Variants in KCNAB3 observed in about 807,000 individuals in gnomAD.
KCNAB3 encodes the protein voltage-gated potassium channel subunit beta-3.
Under a neutral mutation model 67.7 loss-of-function variants are expected in KCNAB3, and 62 were observed. The observed-to-expected ratio is 0.92, with a 90% CI of 0.75 to 1.13. The LOEUF (loss-of-function observed/expected upper bound fraction) is 1.13, where lower values mean the gene tolerates loss of function less well. Ranked by LOEUF, KCNAB3 falls within the 50% of genes most tolerant of loss-of-function variation. KCNAB3 has a pLI of 0.00. For synonymous variants in KCNAB3, 212 were observed against 205.4 expected (o/e 1.03, Z -0.27); for missense variants, 514 against 522.9 (o/e 0.98, Z 0.17).
rs757748976 is a variant in KCNAB3 at position 7,925,716 on chromosome 17, C to T, written c.505G>A (p.Glu169Lys). 111 of 1,613,848 alleles carry T rather than the reference C, an allele frequency of 6.9e-5. No homozygotes were observed. Among genetic ancestry groups the T allele is most frequent in the Middle Eastern group, 1.6e-4 (1 of 6,084 alleles). ...KIFWGGQAET[E>K]RGLSRKHIIE... is the part of the protein sequence containing the mutation. ...ATGTGCTTTCGGCTTAAACCTCGCT[C>T]GGTTTCTGCCCTGTAGGAAAAGGTA... Residue 169 changes from glutamate (E) to lysine (K), a missense_variant, in exon 7 of 14, where the codon GAG becomes AAG. Physicochemically the swap from Glu to Lys is moderately conservative, Grantham distance 56 (BLOSUM62 1). Coordinates refer to ENST00000303790, the MANE Select transcript of KCNAB3 (RefSeq NM_004732.4).
At chr17:7,927,510 G>C in intron 3 of KCNAB3, 87 bp from the exon 4 acceptor site, 1 of 1,522,550 alleles carries the variant, frequency 6.6e-7, no homozygotes, top group South Asian at 1.1e-5. Flanking sequence ...TCAGCCCTGG[G>C]TTCTCTAGTC....
rs1402485982 is a variant in KCNAB3, at chr17:7,929,340, A to C, written c.96T>G (p.Asn32Lys). 1.3e-6 allele frequency: 2 copies of C among 1,549,712 alleles called. No individual in the cohort carries two copies. Among genetic ancestry groups the C allele is most frequent in the Non-Finnish European group, 1.7e-6 (2 of 1,147,088 alleles). The change falls in exon 1 of 14, where the codon AAT becomes AAG. Residue 32 changes from asparagine (N) to lysine (K), a missense_variant. Coordinates refer to ENST00000303790, the MANE Select transcript of KCNAB3 (RefSeq NM_004732.4). This position sits in a 1 kb window ranked among gnomAD's most constrained non-coding sequence, Gnocchi z 5.7. ...CGTGCCCCCCGCCGGCCGGCCCACC[A>C]TTACCGCCCCCGGGGCCCGGCCGGG... Reference protein sequence around the residue: ...CGPRPGPGGGNGGPAGGGHGN... With the variant: ...CGPRPGPGGGKGGPAGGGHGN...
In KCNAB3 at chr17:7,929,692, A is replaced by C; in HGVS notation, c.-257T>G. The C allele has an allele frequency of 7.4e-7, 1 of 1,360,472 alleles. No individual in the cohort carries two copies. The allele number at this position is 1,360,472 out of a possible 1,614,324, so 84.3% of individuals were successfully genotyped here. On this transcript the variant is annotated 5_prime_UTR_variant, in exon 1 of 14. Coordinates refer to ENST00000303790, the MANE Select transcript of KCNAB3 (RefSeq NM_004732.4). This position sits in a 1 kb window ranked among gnomAD's most constrained non-coding sequence, Gnocchi z 5.7. ...ATTCAGTTACGGGGGACACAGGAGC[A>C]AGGATTAGGAGGGGGAAATGGATGA...
In KCNAB3 at chr17:7,922,904, T is replaced by C. The variant is rs985924354; in HGVS notation, c.*198A>G. 1.3e-5 allele frequency: 8 copies of C among 596,868 alleles called. No individual in the cohort carries two copies. The highest frequency in any genetic ancestry group is 1.1e-4 in the African/African-American group (6 of 53,886). 37.0% of individuals were successfully genotyped at this position (596,868 alleles called of 1,614,324 possible). On this transcript the variant is annotated 3_prime_UTR_variant, in exon 14 of 14. Coordinates refer to ENST00000303790, the MANE Select transcript of KCNAB3 (RefSeq NM_004732.4). ...ACGCAGCAGGGGGCGGGCGTGCTACTTTCTCTCTCGACCCCACTGCAAAAG... is the reference window on the plus strand; with the variant it reads ...ACGCAGCAGGGGGCGGGCGTGCTACCTTCTCTCTCGACCCCACTGCAAAAG...
intron 2 of KCNAB3, 31 bp from the exon 3 acceptor site, chr17:7,927,725 T>A: frequency 6.2e-7 from 1 of 1,614,230 alleles, no homozygotes. Flanking sequence ...ACATGAGAAC[T>A]GCAGGGGGCA....
intron 1 of KCNAB3, chr17:7,928,973 C>T: frequency 1.4e-6 from 1 of 692,676 alleles, no homozygotes; most frequent in East Asian, 2.9e-5. Context: ...CTGGGTCTGA[C>T]AGGACCCAGT....
intron 8 of KCNAB3, 69 bp from the exon 9 acceptor site, chr17:7,924,569 C>G: frequency 6.6e-7 from 1 of 1,512,066 alleles, no homozygotes; most frequent in Non-Finnish European, 8.9e-7. Flanking sequence ...ATTTGCAGAC[C>G]TCCACCTGCC....
Position 7,923,006 on chromosome 17 carries a change from C to T in KCNAB3, c.*96G>A, listed in dbSNP as rs533755903. The T allele has an allele frequency of 2.2e-5, 27 of 1,212,032 alleles. No homozygotes were observed. In the African/African-American group the frequency reaches 2.7e-4, roughly 12 times the overall value. 75.1% of individuals were successfully genotyped at this position (1,212,032 alleles called of 1,614,324 possible). A position where few individuals can be genotyped will look rare whatever the true frequency, so the allele number is the denominator to read the frequency against. ...GGCGGGGCTAGTCTGGCTCCGGCCG[C>T]TGCGTGGAGGGATCCGGAGCGGGAG... On this transcript the variant is annotated 3_prime_UTR_variant, in exon 14 of 14. Coordinates refer to ENST00000303790, the MANE Select transcript of KCNAB3 (RefSeq NM_004732.4).
rs1487456178 is a variant in KCNAB3 at position 7,923,644 on chromosome 17, C to G, written c.1048+67G>C. ...ACAAGCGTCCTCCCTAGGGACAAAC[C>G]AGTTTTAGGATGGGCTTGGGAGCAT... On this transcript the variant is annotated intron_variant, in intron 12 of 13. Transcript: ENST00000303790. 7 of 1,551,870 alleles carry G rather than the reference C, an allele frequency of 4.5e-6. No individual in the cohort carries two copies. The East Asian group carries it at 1.7e-4, about 38-fold the overall frequency.
Position 7,929,318 on chromosome 17 carries a change from G to C in KCNAB3, c.118C>G (p.His40Asp). Residue 40 changes from histidine to aspartate, a missense_variant, in exon 1 of 14, where the codon CAC (histidine) becomes GAC (aspartate). Transcript: ENST00000303790. This position sits in a 1 kb window ranked among gnomAD's most constrained non-coding sequence, Gnocchi z 5.7. ...CCTCCACCCCCCGGAGGATTCCCGT[G>C]CCCCCCGCCGGCCGGCCCACCATTA... ...GGNGGPAGGGHGNPPGGGGSG... is the reference protein window; with the variant it reads ...GGNGGPAGGGDGNPPGGGGSG... The C allele has an allele frequency of 6.4e-7, 1 of 1,554,000 alleles. No homozygotes were observed. Among genetic ancestry groups the C allele is most frequent in the Non-Finnish European group, 8.7e-7 (1 of 1,149,448 alleles).
At chr17:7,928,019 C>T in intron 1 of KCNAB3, 193 bp from the exon 2 acceptor site, 1 of 639,128 alleles carries the variant, frequency 1.6e-6, no homozygotes, top group East Asian at 2.7e-5. Flanking sequence ...CTCAAAAGGA[C>T]AAGTGAACCA....
rs1179635400 is a variant in KCNAB3, at chr17:7,922,370, C to T, written c.*732G>A. 6.6e-6 allele frequency: 1 copy of T among 152,204 alleles called. No individual in the cohort carries two copies. Among genetic ancestry groups the T allele is most frequent in the Non-Finnish European group, 1.5e-5 (1 of 68,044 alleles). 9.4% of individuals were successfully genotyped at this position (152,204 alleles called of 1,614,324 possible). A position where few individuals can be genotyped will look rare whatever the true frequency, so the allele number is the denominator to read the frequency against. ...ATTTATTTTTTTTAAATCAAGGCGT[C>T]CCTGCCCGTGACGGAAAGGCTGTCA... On this transcript the variant is annotated 3_prime_UTR_variant, in exon 14 of 14. Transcript: ENST00000303790.
Position 7,923,771 on chromosome 17 carries a change from C to T in KCNAB3, c.988G>A (p.Val330Ile), listed in dbSNP as rs1415460302. Reference sequence around the variant, plus strand: ...TGAGCGACAGGAAGAAGGTCCATGACTTTGGCTTGTTGCTTCTTGCCATCT... The same window carrying T: ...TGAGCGACAGGAAGAAGGTCCATGATTTTGGCTTGTTGCTTCTTGCCATCT... ...SEDGKKQQAK[V>I]MDLLPVAHQL... The change falls in exon 12 of 14, where the codon GTC becomes ATC. Residue 330 changes from valine to isoleucine, a missense_variant. Transcript: ENST00000303790. 3 of 1,580,908 alleles carry T rather than the reference C, an allele frequency of 1.9e-6. No homozygotes were observed. Among genetic ancestry groups the T allele is most frequent in the Non-Finnish European group, 2.6e-6 (3 of 1,162,486 alleles).
rs1336855229 is a variant in KCNAB3 at position 7,923,038 on chromosome 17, C to T, written c.*64G>A. On this transcript the variant is annotated 3_prime_UTR_variant, in exon 14 of 14. Transcript: ENST00000303790. ...GAGGGATCCGGAGCGGGAGAGGCGG[C>T]TGCGAGGAGCGGGGCTCGGGCGGGT... The T allele has an allele frequency of 2.7e-6, 4 of 1,494,950 alleles. No homozygotes were observed. Among genetic ancestry groups the T allele is most frequent in the South Asian group, 1.1e-5 (1 of 88,556 alleles). The allele number at this position is 1,494,950 out of a possible 1,614,324, so 92.6% of individuals were successfully genotyped here.
At position 7,929,794 on chromosome 17, in the gene KCNAB3, C is replaced by G; in HGVS notation, c.-359G>C. The G allele has an allele frequency of 9.3e-7, 1 of 1,077,570 alleles. No individual in the cohort carries two copies. The highest frequency in any genetic ancestry group is 2.8e-5 in the South Asian group (1 of 35,996). 66.8% of individuals were successfully genotyped at this position (1,077,570 alleles called of 1,614,324 possible). The stretch of plus-strand genomic sequence containing the variant: ...GAAGCGGGGCGGGAGAGAGATGCCA[C>G]TTCAGCGCGAACCGCTGCGGGACCC... On this transcript the variant is annotated 5_prime_UTR_variant, in exon 1 of 14. Transcript: ENST00000303790. The surrounding 1 kb of genome is among the most constrained non-coding windows in gnomAD (Gnocchi z 5.7).
chr17:7,927,186 A>C, intron 4 of KCNAB3, 158 bp downstream of exon 4: 3 of 713,162 alleles, frequency 4.2e-6, no homozygotes, highest in Non-Finnish European at 7.6e-6. Context: ...TAATGTTGGG[A>C]CTGTAGCTCC....
rs1212581529 is a variant in KCNAB3 at position 7,924,596 on chromosome 17, C to A, written c.626-96G>T. On this transcript the variant is annotated intron_variant, in intron 8 of 13. Transcript: ENST00000303790. The stretch of plus-strand genomic sequence containing the variant: ...CCACCTGCCCCACCAAGGCCCCAGG[C>A]AACTCTATGGAGTCATGAAAGTTAA... 2.0e-6 allele frequency: 3 copies of A among 1,489,482 alleles called. No individual in the cohort carries two copies. The African/African-American group carries it at 4.2e-5, about 21-fold the overall frequency. 92.3% of individuals were successfully genotyped at this position (1,489,482 alleles called of 1,614,324 possible).
Position 7,929,644 on chromosome 17 carries a change from TG to T in KCNAB3, c.-210del. The T allele has an allele frequency of 1.5e-6, 2 of 1,341,294 alleles. No individual in the cohort carries two copies. The highest frequency in any genetic ancestry group is 1.9e-6 in the Non-Finnish European group (2 of 1,053,118). The allele number at this position is 1,341,294 out of a possible 1,614,324, so 83.1% of individuals were successfully genotyped here. Reference sequence around the variant, plus strand: ...GGTTTGCGGCGGGAGGGAAGAAACGTGGGGGGCGCCAGGAGTGGAGATATTC... The same window carrying T: ...GGTTTGCGGCGGGAGGGAAGAAACGTGGGGGCGCCAGGAGTGGAGATATTC... On this transcript the variant is annotated 5_prime_UTR_variant, in exon 1 of 14. Coordinates refer to ENST00000303790, the MANE Select transcript of KCNAB3 (RefSeq NM_004732.4). The surrounding 1 kb of genome is among the most constrained non-coding windows in gnomAD (Gnocchi z 5.7).
At position 7,925,653 on chromosome 17, in the gene KCNAB3, C is replaced by G. The variant is rs1361965469; in HGVS notation, c.538+30G>C. 5 of 1,612,526 alleles carry G rather than the reference C, an allele frequency of 3.1e-6. No homozygotes were observed. The South Asian group carries it at 5.5e-5, about 18-fold the overall frequency. On this transcript the variant is annotated intron_variant, in intron 7 of 13. Transcript: ENST00000303790. ...TACTCCTCTGGCTTCCATATCCCCT[C>G]ACTTTGGGTTTCCAGCCCCTAACTC...
Sources: gnomAD v4.1 joint callset for allele counts on GRCh38, gnomAD v4.1.1 for gene constraint, Gnocchi (gnomAD v3.1) non-coding constraint, MANE v1.5 for transcripts, NCBI Gene and HGNC (gene_info 2026-07-23, HGNC 2026-07-21) for gene names.